Variants in PROX1 observed in about 807,000 individuals in gnomAD.
PROX1 encodes prospero homeobox protein 1.
PROX1 carries 7 observed loss-of-function variants against 58.8 expected under a neutral mutation model. The observed-to-expected ratio is 0.12, with a 90% confidence interval of 0.07 to 0.22. PROX1 has a LOEUF of 0.22. Ranked by LOEUF, PROX1 falls within the 10% of genes least tolerant of loss-of-function variation. The pLI is 1.00. For missense variants in PROX1, 675 were observed against 927.8 expected (o/e 0.73, Z 3.54); for synonymous variants, 350 against 358.3 (o/e 0.98, Z 0.26).
At chr1:213,985,028 T>A (rs1273004276), upstream of PROX1, 1 of 152,238 alleles carries the variant, frequency 6.6e-6, no homozygotes, top group East Asian at 1.9e-4. Flanking sequence ...GGGTGATAAC[T>A]GCGAGTTTGT....
chr1:214,025,485 TA>T (rs1664419733), intron 4 of PROX1, among the ~76,000 whole-genome samples: 2 of 152,196 alleles, frequency 1.3e-5, no homozygotes, highest in African/African-American at 4.8e-5. Context: ...TAAACAGTTG[TA>T]AAAAATAAGG....
chr1:214,024,553 A>G (rs184897751), intron 4 of PROX1, among the ~76,000 whole-genome samples: 1 of 152,238 alleles, frequency 6.6e-6, no homozygotes, highest in East Asian at 1.9e-4. Context: ...GGTGTTTACT[A>G]TGAGCAATCC....
chr1:214,022,114 G>A (rs1486676423), intron 4 of PROX1, among the ~76,000 whole-genome samples: 1 of 152,118 alleles, frequency 6.6e-6, no homozygotes, highest in Non-Finnish European at 1.5e-5. Flanking sequence ...ACTGTCAGTG[G>A]TCCTGGATCA....
In PROX1 at chr1:213,993,531, C is replaced by T. The variant is rs114798079; in HGVS notation, c.-67-2938C>T. On this transcript the variant is annotated intron_variant, in intron 1 of 4. Coordinates refer to ENST00000366958, the MANE Select transcript of PROX1 (RefSeq NM_001270616.2). ...AGAGATTTAATTTATATTATGGTAA[C>T]GTAACAGTACATTTTCTTATGTGGT... Among the ~76,000 whole-genome samples, 140 of 152,164 alleles carry T rather than the reference C, an allele frequency of 9.2e-4. 1 individual carries two copies. Among genetic ancestry groups the T allele is most frequent in the African/African-American group, 3.3e-3 (136 of 41,506 alleles).
chr1:214,014,785 C>T (rs1000686613), intron 4 of PROX1, among the ~76,000 whole-genome samples: 3 of 152,144 alleles, frequency 2.0e-5, no homozygotes, highest in Non-Finnish European at 2.9e-5. Flanking sequence ...TCTCCTCTAC[C>T]CCTTGTCTTC....
intron 4 of PROX1, among the ~76,000 whole-genome samples, chr1:214,019,886 A>G (rs1025461725): frequency 1.6e-4 from 24 of 152,038 alleles, no homozygotes; most frequent in Non-Finnish European, 3.2e-4. Flanking sequence ...TCATGTATTC[A>G]TCTTCCTGGT....
chr1:214,027,875 A>AT (rs534159479), intron 4 of PROX1, among the ~76,000 whole-genome samples: 2,189 of 149,534 alleles, frequency 0.015, 20 homozygotes, highest in Non-Finnish European at 0.019. Flanking sequence ...TATATATATA[A>AT]AAGAGATACA....
rs573054239 is a variant in PROX1 at position 214,011,953 on chromosome 1, T to A, written c.2028+238T>A. The stretch of plus-strand genomic sequence containing the variant: ...CTTTTCAGCTTGTGTGGAAGACTCA[T>A]TTGGCCACAGAAAAGGGAACTGTAG... On this transcript the variant is annotated intron_variant, in intron 4 of 4. Transcript: ENST00000366958. 2.0e-5 allele frequency among the ~76,000 whole-genome samples: 3 copies of A among 152,234 alleles called. No homozygotes were observed. The South Asian group carries it at 6.2e-4, about 32-fold the overall frequency.
rs151021929 is a variant in PROX1 at position 213,993,545 on chromosome 1, T to G, written c.-67-2924T>G. Among the ~76,000 whole-genome samples the G allele has an allele frequency of 9.1e-4, 138 of 152,340 alleles. 1 individual carries two copies. The highest frequency in any genetic ancestry group is 3.3e-3 in the African/African-American group (136 of 41,590). On this transcript the variant is annotated intron_variant, in intron 1 of 4. Transcript: ENST00000366958. ...TATTATGGTAACGTAACAGTACATT[T>G]TCTTATGTGGTAAATATATTCATAT...
rs1172257177 is a variant in PROX1 at position 214,039,575 on chromosome 1, C to A, written c.*3741C>A. ...TGAGATTTTAATAAATAACTACATT[C>A]TCACGACATCTGTTGAATTTACTAG... On this transcript the variant is annotated 3_prime_UTR_variant, in exon 5 of 5. Transcript: ENST00000366958. 1 of 152,162 alleles carries A rather than the reference C, an allele frequency of 6.6e-6. No homozygotes were observed. The highest frequency in any genetic ancestry group is 1.5e-5 in the Non-Finnish European group (1 of 68,034). 9.4% of individuals were successfully genotyped at this position (152,162 alleles called of 1,614,324 possible).
At chr1:214,031,287 C>G (rs1372157514) in intron 4 of PROX1, among the ~76,000 whole-genome samples, 1 of 152,134 alleles carries the variant, frequency 6.6e-6, no homozygotes, top group Non-Finnish European at 1.5e-5. Flanking sequence ...TATTCTTCTC[C>G]AAATATCAAG....
chr1:214,001,282 C>T (rs751422647), intron 2 of PROX1, among the ~76,000 whole-genome samples: 57 of 152,152 alleles, frequency 3.7e-4, no homozygotes, highest in Non-Finnish European at 1.5e-4. Context: ...GCAAGTTAAA[C>T]TGAATTTCAG....
chr1:213,984,377 CA>C (rs926161208), upstream of PROX1: 3 of 152,218 alleles, frequency 2.0e-5, no homozygotes, highest in Non-Finnish European at 4.4e-5. Flanking sequence ...TTTCTGCCAG[CA>C]CCCCTGGATC....
At position 214,035,852 on chromosome 1, in the gene PROX1, T is replaced by G. The variant is rs1340476493; in HGVS notation, c.*18T>G. 6.3e-7 allele frequency: 1 copy of G among 1,599,956 alleles called. No individual in the cohort carries two copies. On this transcript the variant is annotated 3_prime_UTR_variant, in exon 5 of 5. Coordinates refer to ENST00000366958, the MANE Select transcript of PROX1 (RefSeq NM_001270616.2). Reference sequence around the variant, plus strand: ...ATGAGTAGAAATTTCAACAACTCTTTTTGAATGTATGAAGAGTAGCAGTCC... The same window carrying G: ...ATGAGTAGAAATTTCAACAACTCTTGTTGAATGTATGAAGAGTAGCAGTCC...
At chr1:214,020,039 C>T (rs1360618533) in intron 4 of PROX1, among the ~76,000 whole-genome samples, 1 of 152,040 alleles carries the variant, frequency 6.6e-6, no homozygotes, top group Non-Finnish European at 1.5e-5. Flanking sequence ...ACTTTTTTTC[C>T]CCCAAATGAA....
chr1:214,016,253 C>A (rs182758513), intron 4 of PROX1, among the ~76,000 whole-genome samples: 1 of 152,098 alleles, frequency 6.6e-6, no homozygotes, highest in Non-Finnish European at 1.5e-5. Context: ...TGAATATGTT[C>A]TCTACCCCAT....
intron 2 of PROX1, among the ~76,000 whole-genome samples, chr1:214,004,459 C>T (rs189432725): frequency 1.6e-3 from 246 of 152,338 alleles, no homozygotes; most frequent in Middle Eastern, 3.4e-3. Context: ...AAGGAGTTAA[C>T]TATAAATCCA....
intron 2 of PROX1, among the ~76,000 whole-genome samples, chr1:214,000,960 C>T (rs967633225): frequency 3.9e-5 from 6 of 152,114 alleles, no homozygotes; most frequent in African/African-American, 7.2e-5. Context: ...AGTTATTCCT[C>T]GAAAAGATCA....
chr1:214,008,275 G>T (rs1438347933), intron 3 of PROX1, among the ~76,000 whole-genome samples: 2 of 151,966 alleles, frequency 1.3e-5, no homozygotes, highest in Non-Finnish European at 2.9e-5. Context: ...AGCTTGTCTT[G>T]AACTCCTGAC....
Sources: allele counts gnomAD v4.1 joint callset (sites outside exome capture counted in the v4.1 genomes callset), GRCh38; gene constraint gnomAD v4.1.1; transcripts MANE v1.5; gene names NCBI Gene and HGNC (gene_info 2026-07-23, HGNC 2026-07-21).